USP9X: variants seen among roughly 807,000 people sequenced by gnomAD.
The protein encoded by USP9X is ubiquitin carboxyl-terminal hydrolase 9X.
A neutral mutation model predicts 190.3 loss-of-function variants in USP9X; 7 were observed. The observed-to-expected ratio is 0.04, with a 90% confidence interval of 0.02 to 0.07. The LOEUF (loss-of-function observed/expected upper bound fraction) is 0.07. USP9X is among the 10% of genes least tolerant of loss of function. USP9X has a pLI of 1.00. For missense variants in USP9X, 1,010 were observed against 1,916.9 expected (o/e 0.53, Z 8.83); for synonymous variants, 645 against 659.5 (o/e 0.98, Z 0.34).
intron 2 of USP9X, among the ~76,000 whole-genome samples, chrX:41,125,285 AG>A (rs1204429643): frequency 9.1e-6 from 1 of 109,857 alleles, no homozygotes; most frequent in Non-Finnish European, 1.9e-5. Context: ...CATGTTGGTC[AG>A]GCTGGTCTCG....
chrX:41,087,906 T>C (rs1272618304), intron 1 of USP9X, among the ~76,000 whole-genome samples: 1 of 112,337 alleles, frequency 8.9e-6, no homozygotes, highest in Non-Finnish European at 1.9e-5. Context: ...CTTAAGTTAC[T>C]TCAGGAAGGA....
At chrX:41,139,124 A>G (rs2062400115) in intron 6 of USP9X, among the ~76,000 whole-genome samples, 1 of 112,640 alleles carries the variant, frequency 8.9e-6, no homozygotes, top group African/African-American at 3.2e-5. Flanking sequence ...GTAACTATCA[A>G]GTATATCAAT....
At position 41,123,595 on chromosome X, in the gene USP9X, A is replaced by G. The variant is rs779051134; in HGVS notation, c.-34A>G. 8.6e-7 allele frequency: 1 copy of G among 1,159,095 alleles called. No homozygotes were observed. Among genetic ancestry groups the G allele is most frequent in the Non-Finnish European group, 1.2e-6 (1 of 849,295 alleles). Reference sequence around the variant, plus strand: ...CTTTTCTCAAGACAACTACATAAGCAGACAAAATTGCAAAGATCTGCCCTG... The same window carrying G: ...CTTTTCTCAAGACAACTACATAAGCGGACAAAATTGCAAAGATCTGCCCTG... On this transcript the variant is annotated 5_prime_UTR_variant, in exon 2 of 45. Transcript: ENST00000378308.
At chrX:41,208,070 G>A (rs1434199426) in intron 32 of USP9X, among the ~76,000 whole-genome samples, 4 of 107,204 alleles carry the variant, frequency 3.7e-5, no homozygotes, top group Non-Finnish European at 7.7e-5. Flanking sequence ...GTCTCACTCT[G>A]TGGCCCAGGC....
At chrX:41,105,932 C>T (rs1028283087) in intron 1 of USP9X, among the ~76,000 whole-genome samples, 18 of 111,766 alleles carry the variant, frequency 1.6e-4, no homozygotes, top group African/African-American at 5.5e-4. Context: ...ATTTGTATGT[C>T]TTACACATTC....
rs749527422 is a variant in USP9X at position 41,224,874 on chromosome X, A to G, written c.6884A>G (p.Asn2295Ser). 126 of 1,210,432 alleles carry G rather than the reference A, an allele frequency of 1.0e-4. No individual in the cohort carries two copies. The highest frequency in any genetic ancestry group is 1.4e-4 in the Non-Finnish European group (121 of 895,378). The change falls in exon 40 of 45, where the codon AAT becomes AGT. Residue 2295 changes from asparagine (N) to serine (S), a missense_variant. This residue lies in a region of USP9X where 121 missense variants were observed against 281.2 expected (regional missense o/e 0.43). Transcript: ENST00000378308. Reference protein sequence around the residue: ...YVKKIIEDCSNSEETVKLLRF... With the variant: ...YVKKIIEDCSSSEETVKLLRF... ...AAGAAAATCATTGAAGACTGCAGTA[A>G]TTCAGAGGAAACCGTCAAATTGCTT...
At chrX:41,198,885 G>A (rs1465956323) in intron 30 of USP9X, 135 bp downstream of exon 30, 5 of 628,176 alleles carry the variant, frequency 8.0e-6, no homozygotes, top group Non-Finnish European at 1.2e-5. Context: ...GTGAGTGAAT[G>A]AACAGTTAAG....
intron 32 of USP9X, 56 bp from the exon 33 acceptor site, chrX:41,210,453 T>C (rs1414554198): frequency 8.8e-7 from 1 of 1,132,217 alleles, no homozygotes; most frequent in Admixed American, 2.4e-5. Flanking sequence ...AATATAGTTG[T>C]ACATATTGTT....
chrX:41,116,056 A>G, intron 1 of USP9X, among the ~76,000 whole-genome samples: 1 of 112,224 alleles, frequency 8.9e-6, no homozygotes, highest in Non-Finnish European at 1.9e-5. Flanking sequence ...AATGCAGTCC[A>G]GCCTTTATCT....
chrX:41,212,571 A>G (rs1447649937), intron 33 of USP9X, among the ~76,000 whole-genome samples: 1 of 111,878 alleles, frequency 8.9e-6, no homozygotes. Context: ...TCTATTAGAA[A>G]TAGTTAATGA....
chrX:41,193,964 C>T (rs769174218), intron 26 of USP9X, among the ~76,000 whole-genome samples: 1 of 112,064 alleles, frequency 8.9e-6, no homozygotes, highest in Admixed American at 9.5e-5. Context: ...CTTTTTATTG[C>T]CCCTCATATT....
At chrX:41,104,694 T>G (rs1375775607) in intron 1 of USP9X, among the ~76,000 whole-genome samples, 1 of 111,754 alleles carries the variant, frequency 8.9e-6, no homozygotes, top group Non-Finnish European at 1.9e-5. Flanking sequence ...TTAAAACACC[T>G]GCTCTTTACT....
At chrX:41,198,433 A>G (rs1287235474) in intron 29 of USP9X, 95 bp from the exon 30 acceptor site, 11 of 513,225 alleles carry the variant, frequency 2.1e-5, no homozygotes, top group South Asian at 1.5e-4. Context: ...TTAAATTCCA[A>G]TGAGTAATTT....
chrX:41,156,491 G>A (rs2062580214), intron 14 of USP9X, among the ~76,000 whole-genome samples: 1 of 112,069 alleles, frequency 8.9e-6, no homozygotes, highest in African/African-American at 3.3e-5. Flanking sequence ...GTGCCTGCTT[G>A]TAGGATAAAT....
chrX:41,205,998 C>G (rs2063091628), intron 32 of USP9X, among the ~76,000 whole-genome samples: 1 of 105,295 alleles, frequency 9.5e-6, no homozygotes, highest in Non-Finnish European at 1.9e-5. Context: ...TCAAGTGATT[C>G]TCCTGCCTCA....
At chrX:41,208,567 G>T (rs1417048974) in intron 32 of USP9X, among the ~76,000 whole-genome samples, 1 of 112,031 alleles carries the variant, frequency 8.9e-6, no homozygotes, top group East Asian at 2.8e-4. Flanking sequence ...CAGAAAAGAT[G>T]AAGAAGAGGT....
chrX:41,160,238 T>G (rs184659566), intron 14 of USP9X, among the ~76,000 whole-genome samples: 22 of 109,531 alleles, frequency 2.0e-4, no homozygotes, highest in Non-Finnish European at 3.4e-4. Flanking sequence ...TGGATTATCC[T>G]CCTCATTTGA....
intron 2 of USP9X, among the ~76,000 whole-genome samples, chrX:41,124,275 C>G (rs1313803399): frequency 1.8e-5 from 2 of 110,262 alleles, no homozygotes; most frequent in Non-Finnish European, 1.9e-5. Flanking sequence ...GAAACCCCAT[C>G]TCTACTAAAA....
At chrX:41,095,882 A>AT (rs1426141713) in intron 1 of USP9X, among the ~76,000 whole-genome samples, 119 of 111,845 alleles carry the variant, frequency 1.1e-3, no homozygotes, top group African/African-American at 3.8e-3. Flanking sequence ...CTTCTGAAAG[A>AT]TAAGAAATAA....
Sources: gnomAD v4.1 joint callset for allele counts (sites outside exome capture counted in the v4.1 genomes callset) on GRCh38, gnomAD v4.1.1 for gene constraint, gnomAD v4.1.1 regional missense constraint, MANE v1.5 for transcripts, NCBI Gene and HGNC (gene_info 2026-07-23, HGNC 2026-07-21) for gene names.